The following PIEZO2 variants were observed in gnomAD, a reference collection of about 807,000 sequenced individuals.
PIEZO2 encodes the protein piezo-type mechanosensitive ion channel component 2.
PIEZO2 carries 172 observed loss-of-function variants against 337.3 expected under a neutral mutation model. The observed-to-expected ratio is 0.51, with a 90% confidence interval of 0.45 to 0.58. PIEZO2 has a LOEUF of 0.58. PIEZO2 is among the 20% of genes least tolerant of loss of function. The pLI is 0.00. For synonymous variants in PIEZO2, 1,251 were observed against 1,228.5 expected, an observed-to-expected ratio of 1.02 and a Z score of -0.38; for missense variants, 3,028 against 3,391.3, an observed-to-expected ratio of 0.89 and a Z score of 2.66.
At chr18:11,052,635 A>G (rs985023686) in intron 2 of PIEZO2, among the ~76,000 whole-genome samples, 2 of 152,200 alleles carry the variant, frequency 1.3e-5, no homozygotes, top group African/African-American at 2.4e-5. Flanking sequence ...TAAGATATAT[A>G]AAATCTAATA....
rs892332137 is a variant in PIEZO2 at position 10,993,622 on chromosome 18, G to A, written c.161-13962C>T. On this transcript the variant is annotated intron_variant, in intron 2 of 55. Transcript: ENST00000674853. This position sits in a 1 kb window ranked among gnomAD's most constrained non-coding sequence, Gnocchi z 5.0. ...CCTCACTGCAACCTCCGCCTCCCGG[G>A]TTAACGCCATTCTCCTGCCTCAGCC... Among the ~76,000 whole-genome samples, 4 of 152,066 alleles carry A rather than the reference G, an allele frequency of 2.6e-5. No individual in the cohort carries two copies. The highest frequency in any genetic ancestry group is 6.6e-5 in the Admixed American group (1 of 15,254).
chr18:10,841,565 A>C (rs1598566115), intron 7 of PIEZO2, among the ~76,000 whole-genome samples: 2 of 152,316 alleles, frequency 1.3e-5, no homozygotes, highest in East Asian at 3.9e-4. Context: ...AAGAAAAATA[A>C]AACCTGTCAA....
intron 4 of PIEZO2, among the ~76,000 whole-genome samples, chr18:10,891,469 A>C (rs528811135): frequency 6.6e-6 from 1 of 152,338 alleles, no homozygotes; most frequent in African/African-American, 2.4e-5. Flanking sequence ...ATGTACTTCA[A>C]AATTCATCCT....
rs918039291 is a variant in PIEZO2 at position 10,795,812 on chromosome 18, C to G, written c.1528-810G>C. Reference sequence around the variant, plus strand: ...CATCAAAGGTGTCCATAGGATCTCACTGTTGACCACAGAATTTGGAAGAGT... The same window carrying G: ...CATCAAAGGTGTCCATAGGATCTCAGTGTTGACCACAGAATTTGGAAGAGT... On this transcript the variant is annotated intron_variant, in intron 12 of 55. Coordinates refer to ENST00000674853, the MANE Select transcript of PIEZO2 (RefSeq NM_001378183.1). The surrounding 1 kb of genome is among the most constrained non-coding windows in gnomAD (Gnocchi z 4.4). Among the ~76,000 whole-genome samples, 1 of 152,138 alleles carries G rather than the reference C, an allele frequency of 6.6e-6. No homozygotes were observed. The highest frequency in any genetic ancestry group is 1.9e-4 in the East Asian group (1 of 5,192).
In PIEZO2 at chr18:11,001,838, A is replaced by G. The variant is rs1286968075; in HGVS notation, c.161-22178T>C. ...GGTTGCAGTGAGCTCAGATTGCACC[A>G]CTGTACTCCAGCCTGGGTGATAGAG... On this transcript the variant is annotated intron_variant, in intron 2 of 55. Coordinates refer to ENST00000674853, the MANE Select transcript of PIEZO2 (RefSeq NM_001378183.1). The surrounding 1 kb of genome is among the most constrained non-coding windows in gnomAD (Gnocchi z 5.3). Among the ~76,000 whole-genome samples the G allele has an allele frequency of 6.6e-6, 1 of 151,780 alleles. No homozygotes were observed. The highest frequency in any genetic ancestry group is 1.5e-5 in the Non-Finnish European group (1 of 67,988).
chr18:10,820,833 GC>G (rs752578665), intron 7 of PIEZO2, among the ~76,000 whole-genome samples: 15 of 152,160 alleles, frequency 9.9e-5, no homozygotes, highest in Non-Finnish European at 2.1e-4. Context: ...GTTGTGATGG[GC>G]CTGCAGTAAC....
intron 4 of PIEZO2, among the ~76,000 whole-genome samples, chr18:10,885,341 A>G (rs1346750750): frequency 1.3e-5 from 2 of 152,108 alleles, no homozygotes; most frequent in Non-Finnish European, 2.9e-5. Context: ...GGAGAATGGC[A>G]TGAACCCGGG....
intron 4 of PIEZO2, among the ~76,000 whole-genome samples, chr18:10,883,770 A>T (rs2042491815): frequency 6.6e-6 from 1 of 150,538 alleles, no homozygotes; most frequent in Non-Finnish European, 1.5e-5. Context: ...TCCCCACCTC[A>T]GCCCTTGGTA....
rs1481945573 is a variant in PIEZO2 at position 10,940,094 on chromosome 18, G to A, written c.287-28866C>T. Among the ~76,000 whole-genome samples, 1 of 152,134 alleles carries A rather than the reference G, an allele frequency of 6.6e-6. No homozygotes were observed. Among genetic ancestry groups the A allele is most frequent in the African/African-American group, 2.4e-5 (1 of 41,426 alleles). ...CCCCTCATCAGAAACAAACTCCAGG[G>A]AGTGGTTCGCCAGCCTTTCCTACAA... On this transcript the variant is annotated intron_variant, in intron 3 of 55. Transcript: ENST00000674853. This position sits in a 1 kb window ranked among gnomAD's most constrained non-coding sequence, Gnocchi z 5.3.
At chr18:10,689,334 T>C (rs1475662341) in intron 49 of PIEZO2, among the ~76,000 whole-genome samples, 1 of 152,206 alleles carries the variant, frequency 6.6e-6, no homozygotes, top group Non-Finnish European at 1.5e-5. Flanking sequence ...GCCCCACTTT[T>C]CTCTATAACA....
Position 10,795,065 on chromosome 18 carries a change from G to T in PIEZO2, c.1528-63C>A. 1 of 1,346,122 alleles carries T rather than the reference G, an allele frequency of 7.4e-7. No individual in the cohort carries two copies. The highest frequency in any genetic ancestry group is 1.0e-6 in the Non-Finnish European group (1 of 978,002). 83.4% of individuals were successfully genotyped at this position (1,346,122 alleles called of 1,614,324 possible). ...TACAATGCTCAGTCCCCCCCGCCCT[G>T]GTAAGGTAAAAACTATCTAAAAAGA... is the stretch of plus-strand genomic sequence containing the variant. On this transcript the variant is annotated intron_variant, in intron 12 of 55. Coordinates refer to ENST00000674853, the MANE Select transcript of PIEZO2 (RefSeq NM_001378183.1). The surrounding 1 kb of genome is among the most constrained non-coding windows in gnomAD (Gnocchi z 4.4).
At chr18:10,998,861 CAAAAA>C (rs10544415) in intron 2 of PIEZO2, among the ~76,000 whole-genome samples, 3 of 118,810 alleles carry the variant, frequency 2.5e-5, no homozygotes, top group Non-Finnish European at 3.6e-5. Context: ...TCAAATACAG[CAAAAA>C]AAAAAAAAAA....
intron 4 of PIEZO2, among the ~76,000 whole-genome samples, chr18:10,905,365 C>A (rs868188197): frequency 2.6e-5 from 4 of 152,052 alleles, no homozygotes; most frequent in East Asian, 1.9e-4. Context: ...GGGTGGATCA[C>A]CTGAGGTCCG....
At chr18:11,119,634 C>A (rs939370460) in intron 1 of PIEZO2, among the ~76,000 whole-genome samples, 3 of 152,062 alleles carry the variant, frequency 2.0e-5, no homozygotes, top group African/African-American at 7.2e-5. Flanking sequence ...AGAGTAGGGA[C>A]GAGGCAACAA....
At chr18:10,826,993 A>G (rs1211052108) in intron 7 of PIEZO2, among the ~76,000 whole-genome samples, 1 of 152,160 alleles carries the variant, frequency 6.6e-6, no homozygotes, top group Non-Finnish European at 1.5e-5. Flanking sequence ...ACTTAGCAAT[A>G]TGCATTCAAT....
chr18:10,806,351 G>A (rs2040002785), intron 8 of PIEZO2, among the ~76,000 whole-genome samples: 1 of 152,160 alleles, frequency 6.6e-6, no homozygotes, highest in Non-Finnish European at 1.5e-5. Context: ...GCTCCTGACA[G>A]TCATTTAGGG....
At position 11,129,161 on chromosome 18, in the gene PIEZO2, C is replaced by A. The variant is rs2040267300; in HGVS notation, c.64+19364G>T. On this transcript the variant is annotated intron_variant, in intron 1 of 55. Transcript: ENST00000674853. The surrounding 1 kb of genome is among the most constrained non-coding windows in gnomAD (Gnocchi z 4.6). Reference sequence around the variant, plus strand: ...GTCACTTTAGACCTACGCATCCCAGCTGAGAGGGTCCAGAAGATATACCCT... The same window carrying A: ...GTCACTTTAGACCTACGCATCCCAGATGAGAGGGTCCAGAAGATATACCCT... 6.6e-6 allele frequency among the ~76,000 whole-genome samples: 1 copy of A among 152,134 alleles called. No individual in the cohort carries two copies. Among genetic ancestry groups the A allele is most frequent in the African/African-American group, 2.4e-5 (1 of 41,436 alleles).
chr18:11,142,572 G>A (rs1438825318), intron 1 of PIEZO2, among the ~76,000 whole-genome samples: 1 of 151,938 alleles, frequency 6.6e-6, no homozygotes, highest in Admixed American at 6.6e-5. Context: ...TTGAAGTCAG[G>A]AGTTCAAAAC....
rs368898762 is a variant in PIEZO2, at chr18:10,843,423, A to T, written c.917+11930T>A. Among the ~76,000 whole-genome samples, 24 of 152,224 alleles carry T rather than the reference A, an allele frequency of 1.6e-4. No individual in the cohort carries two copies. In the South Asian group the frequency reaches 3.3e-3, roughly 21 times the overall value. ...TTTCATTTTATACGCTGTTCTCTTA[A>T]CTTGAAAAAAGTCAATCTTTCTACT... On this transcript the variant is annotated intron_variant, in intron 7 of 55. Transcript: ENST00000674853.
Sources: gnomAD v4.1 joint callset for allele counts (sites outside exome capture counted in the v4.1 genomes callset) on GRCh38, gnomAD v4.1.1 for gene constraint, Gnocchi (gnomAD v3.1) non-coding constraint, MANE v1.5 for transcripts, NCBI Gene and HGNC (gene_info 2026-07-23, HGNC 2026-07-21) for gene names.